Variants in CANX observed in about 807,000 individuals in gnomAD.
CANX encodes calnexin.
Under a neutral mutation model 75.7 loss-of-function variants are expected in CANX, and 14 were observed. The observed-to-expected ratio is 0.19, with a 90% CI of 0.12 to 0.29. The LOEUF (loss-of-function observed/expected upper bound fraction) is 0.29, where lower values mean the gene tolerates loss of function less well. CANX is among the 10% of genes least tolerant of loss of function. CANX has a pLI of 1.00. For missense variants in CANX, 567 were observed against 713.2 expected (o/e 0.79, Z 2.34); for synonymous variants, 227 against 236.9 (o/e 0.96, Z 0.38).
intron 3 of CANX, among the ~76,000 whole-genome samples, chr5:179,706,912 C>T (rs568054576): frequency 6.6e-6 from 1 of 152,232 alleles, no homozygotes; most frequent in African/African-American, 2.4e-5. Flanking sequence ...GATGTTAAAA[C>T]ATCAGTGGAA....
chr5:179,709,045 C>T lies in CANX; in HGVS notation c.514C>T (p.Pro172Ser). 1 of 1,589,068 alleles carries T rather than the reference C, an allele frequency of 6.3e-7. No homozygotes were observed. Among genetic ancestry groups the T allele is most frequent in the Non-Finnish European group, 8.6e-7 (1 of 1,157,078 alleles). Residue 172 changes from proline (P) to serine (S), a missense_variant, in exon 6 of 15, where the codon CCA becomes TCA. Physicochemically the swap from Pro to Ser is moderately conservative, Grantham distance 74 (BLOSUM62 -1). Coordinates refer to ENST00000247461, the MANE Select transcript of CANX (RefSeq NM_001746.4). ...CTATGTGAAACTGCTTTCTAAAACA[C>T]CAGAACTCAACCTGGTATGTAATTC... is the stretch of plus-strand genomic sequence containing the variant. The part of the protein sequence containing the change: ...GAYVKLLSKT[P>S]ELNLDQFHDK...
intron 10 of CANX, among the ~76,000 whole-genome samples, chr5:179,720,768 C>CTTTA (rs61478624): frequency 0.028 from 4,269 of 151,560 alleles, 139 homozygotes; most frequent in African/African-American, 0.08. Flanking sequence ...CTTTCTTTAA[C>CTTTA]TTTATTTATT....
intron 6 of CANX, 58 bp from the exon 7 acceptor site, chr5:179,709,815 G>GT: frequency 9.0e-7 from 1 of 1,109,976 alleles, no homozygotes; most frequent in South Asian, 1.8e-5. Context: ...CTTTTGAAAC[G>GT]TTGCTTTTGA....
In CANX at chr5:179,708,389, A is replaced by C; in HGVS notation, c.446+9A>C. On this transcript the variant is annotated intron_variant, in intron 5 of 14. Transcript: ENST00000247461. ...AAGCCTCTCATTGTTCAGTAAGTGA[A>C]ATGCTTGTTGGATAAAAGCTTTCTG... 1.9e-6 allele frequency: 3 copies of C among 1,611,020 alleles called. No homozygotes were observed. The highest frequency in any genetic ancestry group is 2.5e-6 in the Non-Finnish European group (3 of 1,177,968).
intron 3 of CANX, among the ~76,000 whole-genome samples, chr5:179,706,902 G>C (rs1321009042): frequency 6.6e-6 from 1 of 152,024 alleles, no homozygotes. Flanking sequence ...ATTTTCTCTT[G>C]ATGTTAAAAC....
upstream of CANX, among the ~76,000 whole-genome samples, chr5:179,695,054 A>G (rs1164013571): frequency 2.1e-5 from 3 of 142,482 alleles, no homozygotes; most frequent in African/African-American, 7.4e-5. Context: ...TCTTTCATTT[A>G]TTTATTTATT....
In CANX at chr5:179,717,890, A is replaced by AT. The variant is rs552375889; in HGVS notation, c.911+1601dup. Among the ~76,000 whole-genome samples, 93 of 151,294 alleles carry AT rather than the reference A, an allele frequency of 6.1e-4. No homozygotes were observed. In the Middle Eastern group the frequency reaches 0.021, roughly 33 times the overall value. On this transcript the variant is annotated intron_variant, in intron 8 of 14. Transcript: ENST00000247461. ...GCCACCACACCCAGCTAATTTTTGT[A>AT]TTTTTAGTAGACACGGGGTTTTACC...
rs1240780380 is a variant in CANX, at chr5:179,730,275, A to T, written c.*1631A>T. 7.0e-6 allele frequency: 1 copy of T among 142,332 alleles called. No individual in the cohort carries two copies. Among genetic ancestry groups the T allele is most frequent in the Admixed American group, 6.9e-5 (1 of 14,500 alleles). The allele number at this position is 142,332 out of a possible 1,614,324, so 8.8% of individuals were successfully genotyped here. A position where few individuals can be genotyped will look rare whatever the true frequency, so the allele number is the denominator to read the frequency against. ...TTTGTAAAAGATGAAGGCTGTATCT[A>T]TTTTTTTTTCTTTTTAAAGTTTGTT... is the stretch of plus-strand genomic sequence containing the variant. On this transcript the variant is annotated 3_prime_UTR_variant, in exon 15 of 15. Transcript: ENST00000247461.
At chr5:179,686,400 CT>C (rs879458030) in intron 1 of CANX, among the ~76,000 whole-genome samples, 505 of 140,142 alleles carry the variant, frequency 3.6e-3, no homozygotes, top group Non-Finnish European at 3.4e-3. Context: ...GCCCGGCCAT[CT>C]TTTTTTTTTT....
chr5:179,678,906 C>T (rs762583894), intron 1 of CANX: 1 of 1,535,016 alleles, frequency 6.5e-7, no homozygotes, highest in South Asian at 1.2e-5. Context: ...CACCGCCCGC[C>T]GCGGAACACG....
In CANX at chr5:179,723,035, T is replaced by C; in HGVS notation, c.1398+16T>C. 1 of 1,601,188 alleles carries C rather than the reference T, an allele frequency of 6.2e-7. No individual in the cohort carries two copies. Among genetic ancestry groups the C allele is most frequent in the East Asian group, 2.2e-5 (1 of 44,812 alleles). On this transcript the variant is annotated intron_variant, in intron 11 of 14. Transcript: ENST00000247461. ...GGCTGCTGAGGTTCGTGTTTGCTGC[T>C]TGTGCATTTGTGTCTGTTATTGTAA...
At chr5:179,725,407 T>C (rs1778583102) in intron 13 of CANX, among the ~76,000 whole-genome samples, 1 of 149,326 alleles carries the variant, frequency 6.7e-6, no homozygotes, top group South Asian at 2.1e-4. Flanking sequence ...GTTGGCCAGG[T>C]GCGGTGGCTC....
upstream of CANX, chr5:179,694,667 G>A (rs1776358733): frequency 5.3e-6 from 4 of 760,440 alleles, no homozygotes; most frequent in East Asian, 2.5e-5. Flanking sequence ...ATTCTAAGTC[G>A]AAAGGGAAGT....
intron 3 of CANX, 65 bp downstream of exon 3, chr5:179,706,396 C>T: frequency 1.3e-6 from 1 of 751,744 alleles, no homozygotes. Flanking sequence ...ATAGTAGATT[C>T]CTTTTTGGAT....
intron 9 of CANX, 102 bp downstream of exon 9, chr5:179,719,883 G>A (rs995834056): frequency 2.0e-5 from 13 of 660,542 alleles, no homozygotes; most frequent in South Asian, 3.9e-5. Context: ...GTTCAGTGGC[G>A]CAGTTTCGGC....
At chr5:179,684,060 C>T (rs540580703) in intron 1 of CANX, among the ~76,000 whole-genome samples, 13 of 152,206 alleles carry the variant, frequency 8.5e-5, no homozygotes, top group Admixed American at 8.5e-4. Flanking sequence ...TTTTGCTCAT[C>T]TTTGTGTGGA....
chr5:179,696,512 G>GTAA (rs958794573), upstream of CANX, among the ~76,000 whole-genome samples: 1 of 151,322 alleles, frequency 6.6e-6, no homozygotes, highest in African/African-American at 2.4e-5. Context: ...CTGACCTCAG[G>GTAA]TAATCCGCCC....
In CANX at chr5:179,728,528, T is replaced by G. The variant is rs1778809365; in HGVS notation, c.1726-63T>G. The G allele has an allele frequency of 1.1e-5, 11 of 1,001,294 alleles. No homozygotes were observed. The Admixed American group carries it at 2.1e-4, about 19-fold the overall frequency. 62.0% of individuals were successfully genotyped at this position (1,001,294 alleles called of 1,614,324 possible). A position where few individuals can be genotyped will look rare whatever the true frequency, so the allele number is the denominator to read the frequency against. On this transcript the variant is annotated intron_variant, in intron 14 of 14. Coordinates refer to ENST00000247461, the MANE Select transcript of CANX (RefSeq NM_001746.4). ...CCCTCAGTCTGGCTGATCTTGAAAA[T>G]ATGGTGAACTTTTATTATTTTTTAA...
rs988398455 is a variant in CANX, at chr5:179,686,195, T to G, written c.-4+7418T>G. ...TCACTGCAACCTCCACCTCCCGAGT[T>G]CAAGCAATTCTCCTGCCTCAGCCTC... is the stretch of plus-strand genomic sequence containing the variant. On this transcript the variant is annotated intron_variant, in intron 1 of 14. Coordinates refer to the CANX transcript ENST00000681674. Among the ~76,000 whole-genome samples, 12 of 146,500 alleles carry G rather than the reference T, an allele frequency of 8.2e-5. 1 individual carries two copies. The highest frequency in any genetic ancestry group is 7.9e-4 in the Admixed American group (11 of 13,960).
Sources: allele counts gnomAD v4.1 joint callset (sites outside exome capture counted in the v4.1 genomes callset), GRCh38; gene constraint gnomAD v4.1.1; transcripts MANE v1.5; gene names NCBI Gene and HGNC (gene_info 2026-07-23, HGNC 2026-07-21).